Variants in FANCD2 observed in about 807,000 individuals in gnomAD.
FANCD2 encodes Fanconi anemia group D2 protein.
A neutral mutation model predicts 192.3 loss-of-function variants in FANCD2; 131 were observed. The ratio of observed to expected loss-of-function variants is 0.68; its 90% CI spans 0.59 to 0.79. FANCD2 has a LOEUF of 0.79. Among genes scored for constraint, FANCD2 ranks in the 30% least tolerant of loss-of-function variants. The pLI, the probability that FANCD2 is intolerant of heterozygous loss-of-function variation, is 0.00. For synonymous variants in FANCD2, 524 were observed against 612.5 expected (o/e 0.86, Z 2.13); for missense variants, 1,508 against 1,701.6 (o/e 0.89, Z 2.00).
chr3:10,094,254 TC>T lies in FANCD2; in HGVS notation c.3889-34del, dbSNP rs1694820655. ...CTCAGGGGCCTTTCAGTGAGATACCTCAGCTAGAGGTAACAGTGTGTCTCTC... is the reference window on the plus strand; with the variant it reads ...CTCAGGGGCCTTTCAGTGAGATACCTAGCTAGAGGTAACAGTGTGTCTCTC... On this transcript the variant is annotated intron_variant, in intron 39 of 43. Transcript: ENST00000675286. 3 of 1,572,920 alleles carry T rather than the reference TC, an allele frequency of 1.9e-6. No individual in the cohort carries two copies. In the South Asian group the frequency reaches 3.3e-5, roughly 17 times the overall value.
At chr3:10,053,167 G>C (rs1485824584) in intron 18 of FANCD2, among the ~76,000 whole-genome samples, 648 of 126,878 alleles carry the variant, frequency 5.1e-3, no homozygotes, top group South Asian at 7.0e-3. Flanking sequence ...AGAAAATGTG[G>C]CACATATACA....
chr3:10,090,508 G>T, intron 37 of FANCD2, 123 bp downstream of exon 37: 1 of 629,086 alleles, frequency 1.6e-6, no homozygotes, highest in South Asian at 1.7e-5. Flanking sequence ...TGCCCAGACT[G>T]GAGTGCAGTG....
intron 32 of FANCD2, among the ~76,000 whole-genome samples, chr3:10,084,062 C>T (rs758768787): frequency 1.3e-5 from 2 of 151,530 alleles, no homozygotes; most frequent in South Asian, 2.1e-4. Context: ...GGCGCGATCT[C>T]GGCTCACTAT....
intron 43 of FANCD2, among the ~76,000 whole-genome samples, chr3:10,100,520 T>C (rs1051864125): frequency 1.3e-5 from 2 of 152,180 alleles, no homozygotes; most frequent in African/African-American, 4.8e-5. Flanking sequence ...TACAGGTGCC[T>C]GCAACCATGC....
At position 10,065,439 on chromosome 3, in the gene FANCD2, A is replaced by G. The variant is rs527711543; in HGVS notation, c.2214A>G (p.Arg738=). 2 of 1,613,952 alleles carry G rather than the reference A, an allele frequency of 1.2e-6. No individual in the cohort carries two copies. The highest frequency in any genetic ancestry group is 3.3e-5 in the Admixed American group (2 of 59,988). The stretch of plus-strand genomic sequence containing the variant: ...TGGCTCCGTATTTCCGGTTACTGAG[A>G]CTTTGTGTGGAGAGACAGCATAACG... ...LCLAPYFRLL[R]LCVERQHNGN... is the part of the protein sequence containing the mutation. The change falls in exon 24 of 44, where the codon AGA becomes AGG. Residue 738 remains arginine, a synonymous_variant. Coordinates refer to ENST00000675286, the MANE Select transcript of FANCD2 (RefSeq NM_001018115.3).
chr3:10,046,566 T>A lies in FANCD2; in HGVS notation c.1135-14T>A, dbSNP rs752126828. The A allele has an allele frequency of 6.2e-7, 1 of 1,614,166 alleles. No homozygotes were observed. Among genetic ancestry groups the A allele is most frequent in the African/African-American group, 1.3e-5 (1 of 75,082 alleles). On this transcript the variant is annotated splice_polypyrimidine_tract_variant and intron_variant, in intron 14 of 43. Coordinates refer to ENST00000675286, the MANE Select transcript of FANCD2 (RefSeq NM_001018115.3). ...TTAACTGTTTTTCTGTTGTTGCATA[T>A]TTATTGACAATAGGTGTTTGACCTG...
chr3:10,090,330 A>C lies in FANCD2; in HGVS notation c.3722A>C (p.Glu1241Ala). 6.2e-7 allele frequency: 1 copy of C among 1,613,428 alleles called. No individual in the cohort carries two copies. The highest frequency in any genetic ancestry group is 8.5e-7 in the Non-Finnish European group (1 of 1,179,802). Residue 1241 changes from glutamate (E) to alanine (A), a missense_variant, in exon 37 of 44, where the codon GAA becomes GCA. By Grantham distance (107) the Glu-to-Ala change is moderately radical. Transcript: ENST00000675286. ...FVVFFRVMMA[E>A]LEKTVKKIEP... The stretch of plus-strand genomic sequence containing the variant: ...GTTTTCTTCCGTGTGATGATGGCTG[A>C]ACTAGAGAAGACGGTGAAAAAAATT...
In FANCD2 at chr3:10,043,565, G is replaced by T; in HGVS notation, c.1071G>T (p.Glu357Asp). 1 of 1,613,402 alleles carries T rather than the reference G, an allele frequency of 6.2e-7. No individual in the cohort carries two copies. Among genetic ancestry groups the T allele is most frequent in the Non-Finnish European group, 8.5e-7 (1 of 1,179,352 alleles). Reference sequence around the variant, plus strand: ...TAATAAAGTCAGCTATTAGATATGAGAAAACCATTTCAGAAGCCTGGATTA... The same window carrying T: ...TAATAAAGTCAGCTATTAGATATGATAAAACCATTTCAGAAGCCTGGATTA... ...FDVIKSAIRY[E>D]KTISEAWIKA... The change falls in exon 13 of 44, where the codon GAG becomes GAT. Residue 357 changes from glutamate to aspartate, a missense_variant. Glu to Asp is a conservative substitution (Grantham distance 45). Coordinates refer to ENST00000675286, the MANE Select transcript of FANCD2 (RefSeq NM_001018115.3).
intron 14 of FANCD2, among the ~76,000 whole-genome samples, chr3:10,045,101 T>TTTTTTTTTTTTTTCC (rs397948524): frequency 1.2e-3 from 183 of 149,110 alleles, no homozygotes; most frequent in African/African-American, 4.5e-3. Context: ...TTTTTTTTTT[T>TTTTTTTTTTTTTTCC]CCTGGAAGCA....
intron 43 of FANCD2, 173 bp downstream of exon 43, chr3:10,098,988 AAAC>A (rs1317214677): frequency 3.8e-5 from 61 of 1,613,900 alleles, no homozygotes; most frequent in Non-Finnish European, 5.1e-5. Flanking sequence ...GACCCAGAAG[AAAC>A]AACGACACAA....
At chr3:10,046,962 A>G (rs958340571) in intron 15 of FANCD2, among the ~76,000 whole-genome samples, 4 of 152,302 alleles carry the variant, frequency 2.6e-5, no homozygotes, top group African/African-American at 9.6e-5. Flanking sequence ...GCCTGTAGAA[A>G]CTAGTAGAAA....
intron 7 of FANCD2, among the ~76,000 whole-genome samples, chr3:10,038,548 C>T (rs2086785805): frequency 6.8e-6 from 1 of 148,080 alleles, no homozygotes; most frequent in Admixed American, 6.7e-5. Flanking sequence ...TCTAATTTGA[C>T]TTTCTATGTT....
chr3:10,098,621 A>G, intron 42 of FANCD2, 99 bp from the exon 43 acceptor site: 1 of 1,465,054 alleles, frequency 6.8e-7, no homozygotes, highest in Non-Finnish European at 9.3e-7. Flanking sequence ...GAATGGCTAA[A>G]ATATCTTCCT....
chr3:10,070,522 G>T (rs1575804757), intron 26 of FANCD2, among the ~76,000 whole-genome samples: 1 of 72,686 alleles, frequency 1.4e-5, no homozygotes, highest in Non-Finnish European at 2.7e-5. Context: ...TCAGCCCCCT[G>T]TCCGGCCAGC....
Position 10,042,579 on chromosome 3 carries a change from T to G in FANCD2, c.804T>G (p.Asp268Glu). Residue 268 changes from aspartate to glutamate, a missense_variant, in exon 11 of 44, where the codon GAT (aspartate) becomes GAG (glutamate). By Grantham distance (45) the Asp-to-Glu change is conservative. Transcript: ENST00000675286. ...TTTAGGTTCGCCAGTTGGTGATGGATAAGTTGTCGTCTATTAGATTGGAGG... is the reference window on the plus strand; with the variant it reads ...TTTAGGTTCGCCAGTTGGTGATGGAGAAGTTGTCGTCTATTAGATTGGAGG... ...FLLKVRQLVMDKLSSIRLEDL... is the reference protein window; with the variant it reads ...FLLKVRQLVMEKLSSIRLEDL... The G allele has an allele frequency of 6.2e-7, 1 of 1,614,102 alleles. No homozygotes were observed. The highest frequency in any genetic ancestry group is 2.2e-5 in the East Asian group (1 of 44,858).
intron 43 of FANCD2, among the ~76,000 whole-genome samples, chr3:10,100,768 A>G (rs6792811): frequency 0.66 from 100,922 of 152,068 alleles, 35,642 homozygotes; most frequent in African/African-American, 0.9. Context: ...ACCATAGCTT[A>G]TTTAAAATTA....
intron 17 of FANCD2, among the ~76,000 whole-genome samples, chr3:10,051,133 C>G (rs2087191086): frequency 6.6e-6 from 1 of 150,838 alleles, no homozygotes; most frequent in Non-Finnish European, 1.5e-5. Flanking sequence ...GTAATCCCAG[C>G]ACTTTGGGAG....
rs747412191 is a variant in FANCD2, at chr3:10,032,814, A to C, written c.65-18A>C. ...CCTTTACTATTTGCCATATTCTTGA[A>C]AATTTTTCTATTTTCAGAAACCAGG... On this transcript the variant is annotated intron_variant, in intron 2 of 43. Coordinates refer to ENST00000675286, the MANE Select transcript of FANCD2 (RefSeq NM_001018115.3). The C allele has an allele frequency of 2.6e-5, 42 of 1,607,412 alleles. No homozygotes were observed. The highest frequency in any genetic ancestry group is 3.3e-4 in the Middle Eastern group (2 of 6,048).
intron 3 of FANCD2, among the ~76,000 whole-genome samples, chr3:10,033,930 C>A (rs2086665084): frequency 6.6e-6 from 1 of 150,918 alleles, no homozygotes; most frequent in Non-Finnish European, 1.5e-5. Context: ...ATCTCCTGAC[C>A]TTGTGATCCA....
Sources: allele counts gnomAD v4.1 joint callset (sites outside exome capture counted in the v4.1 genomes callset), GRCh38; gene constraint gnomAD v4.1.1; transcripts MANE v1.5; gene names NCBI Gene and HGNC (gene_info 2026-07-23, HGNC 2026-07-21).